The following BABAM2 variants were observed in gnomAD, a reference collection of about 807,000 sequenced individuals.
BABAM2 encodes the protein BRISC and BRCA1 A complex member 2.
BABAM2 carries 31 observed loss-of-function variants against 54.7 expected under a neutral mutation model. The observed-to-expected ratio is 0.57, with a 90% CI of 0.43 to 0.77. BABAM2 has a LOEUF of 0.77. BABAM2 is among the 30% of genes least tolerant of loss of function. BABAM2 has a pLI of 0.00. For missense variants in BABAM2, 364 were observed against 455.8 expected (o/e 0.80, Z 1.83); for synonymous variants, 167 against 162.9 (o/e 1.03, Z -0.19).
intron 6 of BABAM2, among the ~76,000 whole-genome samples, chr2:28,128,873 GGT>G (rs1669796505): frequency 7.7e-6 from 1 of 130,508 alleles, no homozygotes; most frequent in Non-Finnish European, 1.7e-5. Flanking sequence ...ATACTGTCAA[GGT>G]AGGTGTAAGA....
At chr2:28,075,571 T>C (rs908047745) in intron 6 of BABAM2, among the ~76,000 whole-genome samples, 10 of 152,016 alleles carry the variant, frequency 6.6e-5, no homozygotes, top group African/African-American at 2.4e-4. Flanking sequence ...TGTGTGTGTG[T>C]GTGTGTGCGT....
At chr2:28,087,964 A>C (rs774668052) in intron 6 of BABAM2, among the ~76,000 whole-genome samples, 4 of 152,078 alleles carry the variant, frequency 2.6e-5, no homozygotes, top group Non-Finnish European at 5.9e-5. Flanking sequence ...TTTTGTTTCT[A>C]ATAAATCAGT....
In BABAM2 at chr2:28,177,295, A is replaced by G. The variant is rs147971340; in HGVS notation, c.680+47915A>G. Among the ~76,000 whole-genome samples the G allele has an allele frequency of 2.2e-3, 330 of 152,220 alleles. 2 individuals are homozygous for G. Among genetic ancestry groups the G allele is most frequent in the African/African-American group, 7.4e-3 (309 of 41,540 alleles). On this transcript the variant is annotated intron_variant, in intron 7 of 11. Transcript: ENST00000379624. ...AAAAAAACTGTTAGCCAAGTATACT[A>G]TGCTCAGCAAAGTTATCTTTCACAA...
intron 4 of BABAM2, chr2:28,016,553 C>G: frequency 4.8e-6 from 3 of 619,468 alleles, no homozygotes; most frequent in South Asian, 1.6e-5. Context: ...GCGGGCCCGC[C>G]GCAGGTGCAT....
intron 7 of BABAM2, among the ~76,000 whole-genome samples, chr2:28,236,620 C>A (rs1681940603): frequency 6.6e-6 from 1 of 152,108 alleles, no homozygotes; most frequent in African/African-American, 2.4e-5. Context: ...CCTGCCTTGG[C>A]CTCCCAAAGT....
chr2:28,308,258 G>C (rs929868627), intron 11 of BABAM2: 18 of 401,382 alleles, frequency 4.5e-5, no homozygotes, highest in South Asian at 2.5e-4. Flanking sequence ...GGTGTCCACA[G>C]CCACAAAAAG....
chr2:28,294,799 A>G (rs1687551582), intron 10 of BABAM2, among the ~76,000 whole-genome samples: 1 of 152,330 alleles, frequency 6.6e-6, no homozygotes, highest in Non-Finnish European at 1.5e-5. Flanking sequence ...CTGTATTTTT[A>G]AAATTTTATT....
In BABAM2 at chr2:28,127,900, G is replaced by A. The variant is rs192245896; in HGVS notation, c.571-1371G>A. On this transcript the variant is annotated intron_variant, in intron 6 of 11. Coordinates refer to ENST00000379624, the MANE Select transcript of BABAM2 (RefSeq NM_199191.3). ...CCGCTCACTGCAAGCTCCGCCTCCC[G>A]GGTTCATGCCATTCTCCTGCCTCAG... 2.4e-3 allele frequency among the ~76,000 whole-genome samples: 351 copies of A among 148,728 alleles called. 2 individuals carry two copies. Among genetic ancestry groups the A allele is most frequent in the African/African-American group, 8.2e-3 (332 of 40,508 alleles).
At chr2:27,979,681 G>A (rs919512025) in intron 3 of BABAM2, among the ~76,000 whole-genome samples, 4 of 152,052 alleles carry the variant, frequency 2.6e-5, no homozygotes, top group African/African-American at 7.2e-5. Context: ...ATGGTATCTC[G>A]TGGTTTTGAT....
chr2:28,319,908 C>A (rs542609974), intron 11 of BABAM2, among the ~76,000 whole-genome samples: 2 of 152,216 alleles, frequency 1.3e-5, no homozygotes, highest in Non-Finnish European at 2.9e-5. Flanking sequence ...GAAGTGACCT[C>A]ACTCCCGAGG....
intron 6 of BABAM2, among the ~76,000 whole-genome samples, chr2:28,073,221 G>T (rs1026338856): frequency 6.6e-6 from 1 of 152,138 alleles, no homozygotes; most frequent in South Asian, 2.1e-4. Flanking sequence ...ATTGCTGGGT[G>T]TGGTGGCTCA....
chr2:27,962,287 A>G (rs1196822415), intron 3 of BABAM2, among the ~76,000 whole-genome samples: 1 of 152,032 alleles, frequency 6.6e-6, no homozygotes, highest in Non-Finnish European at 1.5e-5. Flanking sequence ...TTAATTTTTT[A>G]TGGAGACAGG....
Position 27,994,259 on chromosome 2 carries a change from A to T in BABAM2, c.300+6172A>T, listed in dbSNP as rs1472446280. Among the ~76,000 whole-genome samples, 4 of 152,228 alleles carry T rather than the reference A, an allele frequency of 2.6e-5. No homozygotes were observed. In the South Asian group the frequency reaches 8.3e-4, roughly 32 times the overall value. On this transcript the variant is annotated intron_variant, in intron 4 of 11. Coordinates refer to ENST00000379624, the MANE Select transcript of BABAM2 (RefSeq NM_199191.3). Reference sequence around the variant, plus strand: ...CCATATCCATGTATGTGTGGTAAGTACCAGGGACTTGGAAACATATTATTT... The same window carrying T: ...CCATATCCATGTATGTGTGGTAAGTTCCAGGGACTTGGAAACATATTATTT...
At chr2:28,289,743 A>G (rs1033803417) in intron 10 of BABAM2, among the ~76,000 whole-genome samples, 2 of 152,160 alleles carry the variant, frequency 1.3e-5, no homozygotes, top group Admixed American at 1.3e-4. Context: ...GTGAGCCGAG[A>G]TCACGCTACC....
chr2:28,194,336 G>C (rs903148185), intron 7 of BABAM2, among the ~76,000 whole-genome samples: 2 of 152,106 alleles, frequency 1.3e-5, no homozygotes, highest in African/African-American at 4.8e-5. Flanking sequence ...TCAGCTCCCA[G>C]AGTTCCTTGT....
At chr2:27,942,154 G>A (rs1429705541) in intron 3 of BABAM2, among the ~76,000 whole-genome samples, 1 of 152,082 alleles carries the variant, frequency 6.6e-6, no homozygotes, top group Admixed American at 6.5e-5. Flanking sequence ...TACTTATGTA[G>A]CACAATGCAG....
intron 6 of BABAM2, among the ~76,000 whole-genome samples, chr2:28,070,998 C>T (rs943482589): frequency 2.6e-5 from 4 of 152,062 alleles, no homozygotes; most frequent in Admixed American, 6.5e-5. Flanking sequence ...TCAACGCCCC[C>T]GCCCCCAGCC....
chr2:28,056,119 G>A (rs1004290731), intron 6 of BABAM2, among the ~76,000 whole-genome samples: 6 of 152,138 alleles, frequency 3.9e-5, no homozygotes, highest in Admixed American at 3.9e-4. Flanking sequence ...GGGGGATGTA[G>A]GATACATCTT....
At chr2:28,242,798 T>C (rs1454435811) in intron 9 of BABAM2, among the ~76,000 whole-genome samples, 2 of 152,202 alleles carry the variant, frequency 1.3e-5, no homozygotes, top group Admixed American at 6.5e-5. Context: ...GAAATAGAAG[T>C]GTCAATAACC....
Sources: allele counts gnomAD v4.1 joint callset (sites outside exome capture counted in the v4.1 genomes callset), GRCh38; gene constraint gnomAD v4.1.1; transcripts MANE v1.5; gene names NCBI Gene and HGNC (gene_info 2026-07-23, HGNC 2026-07-21).